CAMTA1: variants seen among roughly 807,000 people sequenced by gnomAD.
CAMTA1 encodes the protein calmodulin binding transcription activator 1.
Under a neutral mutation model 170.9 loss-of-function variants are expected in CAMTA1, and 27 were observed. That is an observed-to-expected ratio of 0.16 (90% CI 0.12 to 0.22). The LOEUF is 0.22. CAMTA1 is among the 10% of genes least tolerant of loss of function. The pLI, the probability that CAMTA1 is intolerant of heterozygous loss-of-function variation, is 1.00. For synonymous variants in CAMTA1, 833 were observed against 891.5 expected, an observed-to-expected ratio of 0.93 and a Z score of 1.17; for missense variants, 1,619 against 2,217.2, an observed-to-expected ratio of 0.73 and a Z score of 5.42.
At chr1:7,755,258 C>T (rs1238554543) in intron 21 of CAMTA1, among the ~76,000 whole-genome samples, 5 of 133,992 alleles carry the variant, frequency 3.7e-5, no homozygotes, top group African/African-American at 1.4e-4. Context: ...ACCTGGGAAG[C>T]GGAGGCTGCA....
intron 3 of CAMTA1, among the ~76,000 whole-genome samples, chr1:6,923,969 G>A (rs1350883036): frequency 6.6e-6 from 1 of 152,008 alleles, no homozygotes; most frequent in Non-Finnish European, 1.5e-5. Context: ...CCCATTACTC[G>A]CCCAAGACCA....
chr1:7,504,478 G>A (rs1265981689), intron 6 of CAMTA1, among the ~76,000 whole-genome samples: 1 of 152,252 alleles, frequency 6.6e-6, no homozygotes, highest in Non-Finnish European at 1.5e-5. Flanking sequence ...CCTCGGGCAG[G>A]GAGTGTGGGC....
chr1:7,088,576 G>A (rs1460638222), intron 3 of CAMTA1, among the ~76,000 whole-genome samples: 3 of 152,196 alleles, frequency 2.0e-5, no homozygotes, highest in East Asian at 3.8e-4. Flanking sequence ...TTTCCCCTTC[G>A]GCGGGCCATA....
At chr1:6,978,930 C>T (rs921640528) in intron 3 of CAMTA1, among the ~76,000 whole-genome samples, 1 of 152,062 alleles carries the variant, frequency 6.6e-6, no homozygotes, top group Non-Finnish European at 1.5e-5. Flanking sequence ...TCTCCACACC[C>T]GTCAGTAAAT....
At chr1:7,524,061 G>A (rs1225094746) in intron 6 of CAMTA1, among the ~76,000 whole-genome samples, 1 of 151,618 alleles carries the variant, frequency 6.6e-6, no homozygotes, top group Non-Finnish European at 1.5e-5. Context: ...AATTAGCTGG[G>A]CATGGTGATG....
chr1:7,555,905 C>G (rs930026164), intron 6 of CAMTA1, among the ~76,000 whole-genome samples: 1 of 152,104 alleles, frequency 6.6e-6, no homozygotes, highest in Non-Finnish European at 1.5e-5. Flanking sequence ...TTTCCAAATG[C>G]GGGTTGTATT....
At chr1:6,854,150 A>T (rs945775494) in intron 3 of CAMTA1, among the ~76,000 whole-genome samples, 3 of 152,196 alleles carry the variant, frequency 2.0e-5, no homozygotes, top group African/African-American at 7.2e-5. Flanking sequence ...GACTAAATAT[A>T]TGATGCTGGT....
intron 6 of CAMTA1, among the ~76,000 whole-genome samples, chr1:7,543,273 A>G (rs1213546013): frequency 6.6e-6 from 1 of 152,162 alleles, no homozygotes; most frequent in Non-Finnish European, 1.5e-5. Context: ...CAGCACTATA[A>G]ATAATACTCT....
intron 1 of CAMTA1, among the ~76,000 whole-genome samples, chr1:6,795,743 ACT>A (rs1187110140): frequency 2.6e-5 from 4 of 151,950 alleles, no homozygotes; most frequent in Admixed American, 6.6e-5. Flanking sequence ...GCTACTCTAA[ACT>A]CTGCTGGGAA....
intron 7 of CAMTA1, among the ~76,000 whole-genome samples, chr1:7,646,552 G>GTGGTGAGTTGGGTGGAGGCCC (rs1204667944): frequency 5.0e-4 from 65 of 131,094 alleles, no homozygotes; most frequent in African/African-American, 1.7e-3. Flanking sequence ...GGTGGAGGCT[G>GTGGTGAGTTGGGTGGAGGCCC]TGGTGAGTTG....
At chr1:7,559,236 C>CATGG (rs754629971) in intron 6 of CAMTA1, among the ~76,000 whole-genome samples, 3 of 152,194 alleles carry the variant, frequency 2.0e-5, no homozygotes, top group Non-Finnish European at 4.4e-5. Context: ...GCACCCCAGA[C>CATGG]ATGGGCCTTG....
intron 3 of CAMTA1, among the ~76,000 whole-genome samples, chr1:6,923,509 G>A (rs1230564255): frequency 2.0e-5 from 3 of 152,222 alleles, no homozygotes; most frequent in Non-Finnish European, 4.4e-5. Context: ...ACGAGGCCCA[G>A]CCCCTGGCTC....
At chr1:6,937,431 C>G (rs1305258486) in intron 3 of CAMTA1, among the ~76,000 whole-genome samples, 1 of 151,790 alleles carries the variant, frequency 6.6e-6, no homozygotes, top group East Asian at 1.9e-4. Flanking sequence ...CTACCATCAT[C>G]ACCATCATCA....
chr1:7,687,851 T>C (rs1333991263), intron 11 of CAMTA1, among the ~76,000 whole-genome samples: 2 of 152,042 alleles, frequency 1.3e-5, no homozygotes, highest in African/African-American at 4.8e-5. Flanking sequence ...CCCCAAACAC[T>C]GTGTTGGTAT....
At chr1:7,526,337 C>A (rs1230532304) in intron 6 of CAMTA1, among the ~76,000 whole-genome samples, 1 of 152,110 alleles carries the variant, frequency 6.6e-6, no homozygotes, top group African/African-American at 2.4e-5. Flanking sequence ...ACCAAAGCCC[C>A]AGGCCCACCT....
intron 5 of CAMTA1, among the ~76,000 whole-genome samples, chr1:7,401,932 A>G (rs2089935527): frequency 6.6e-6 from 1 of 152,074 alleles, no homozygotes. Context: ...CTAGGTTACT[A>G]TGTTATGATC....
intron 6 of CAMTA1, among the ~76,000 whole-genome samples, chr1:7,497,842 C>T (rs1329138002): frequency 2.6e-5 from 4 of 152,154 alleles, no homozygotes; most frequent in Non-Finnish European, 4.4e-5. Flanking sequence ...GAGAGTTGTG[C>T]TAATGTGGAT....
intron 6 of CAMTA1, among the ~76,000 whole-genome samples, chr1:7,533,648 C>A (rs973115164): frequency 3.3e-5 from 5 of 152,114 alleles, no homozygotes; most frequent in Non-Finnish European, 4.4e-5. Context: ...CACGGTGGCT[C>A]ACGCCTGTAA....
chr1:7,026,356 G>T (rs1183751992), intron 3 of CAMTA1, among the ~76,000 whole-genome samples: 1 of 152,090 alleles, frequency 6.6e-6, no homozygotes, highest in Non-Finnish European at 1.5e-5. Flanking sequence ...TCCAGGGGGG[G>T]AGTCATCCGT....
Sources: gnomAD v4.1 joint callset for allele counts (sites outside exome capture counted in the v4.1 genomes callset) on GRCh38, gnomAD v4.1.1 for gene constraint, MANE v1.5 for transcripts, NCBI Gene and HGNC (gene_info 2026-07-23, HGNC 2026-07-21) for gene names.